The following SALL3 variants were observed in gnomAD, a reference collection of about 807,000 sequenced individuals.
The protein encoded by SALL3 is spalt like transcription factor 3, also known as sal-like protein 3.
A neutral mutation model predicts 66.2 loss-of-function variants in SALL3; 25 were observed. The ratio of observed to expected loss-of-function variants is 0.38; its 90% confidence interval spans 0.28 to 0.53. The LOEUF (loss-of-function observed/expected upper bound fraction) is 0.53, where lower values mean the gene tolerates loss of function less well. Ranked by LOEUF, SALL3 falls within the 20% of genes least tolerant of loss-of-function variation. The pLI, the probability that SALL3 is intolerant of heterozygous loss-of-function variation, is 0.85. For missense variants in SALL3, 2,194 were observed against 1,916.5 expected, an observed-to-expected ratio of 1.14 and a Z score of -2.70; for synonymous variants, 1,152 against 899.1, an observed-to-expected ratio of 1.28 and a Z score of -5.03.
rs1449581834 is a variant in SALL3, at chr18:78,995,195, C to T, written c.3204C>T (p.His1068=). 1.6e-5 allele frequency: 25 copies of T among 1,610,994 alleles called. No individual in the cohort carries two copies. The highest frequency in any genetic ancestry group is 2.1e-5 in the Non-Finnish European group (25 of 1,180,000). Residue 1068 remains histidine (H), a synonymous_variant, in exon 2 of 3, where the codon CAC becomes CAT. Transcript: ENST00000537592. ...TGATCAAAATGGAAGTGAACGGTCA[C>T]GGCAAGGCCATGGCGCTGGGCGAGG... ...PTMIKMEVNG[H]GKAMALGEGP... is the part of the protein sequence containing the mutation.
chr18:78,982,968 C>G (rs1172716512), intron 1 of SALL3, among the ~76,000 whole-genome samples: 1 of 152,078 alleles, frequency 6.6e-6, no homozygotes, highest in Non-Finnish European at 1.5e-5. Context: ...GCCTGTATCT[C>G]TTAAAAAAGA....
At chr18:78,995,898 C>G (rs1191690538) in intron 2 of SALL3, among the ~76,000 whole-genome samples, 6 of 152,168 alleles carry the variant, frequency 3.9e-5, no homozygotes, top group Admixed American at 1.3e-4. Flanking sequence ...CCGGGGAACA[C>G]GTGCAGCTGG....
At position 78,998,014 on chromosome 18, in the gene SALL3, C is replaced by T. The variant is rs1914757790; in HGVS notation, c.*692C>T. 1 of 63,464 alleles carries T rather than the reference C, an allele frequency of 1.6e-5. No individual in the cohort carries two copies. The highest frequency in any genetic ancestry group is 4.3e-5 in the African/African-American group (1 of 23,498). The allele number at this position is 63,464 out of a possible 1,614,324, so 3.9% of individuals were successfully genotyped here. ...TGTGCAAGTACCTGTCAGTAATAAG[C>T]CTTTTTTTTTTTTTTTTTTAATTTA... is the stretch of plus-strand genomic sequence containing the variant. On this transcript the variant is annotated 3_prime_UTR_variant, in exon 3 of 3. Transcript: ENST00000537592.
chr18:78,995,245 A>G lies in SALL3; in HGVS notation c.3254A>G (p.Gln1085Arg), dbSNP rs1212315113. Residue 1085 changes from glutamine (Q) to arginine (R), a missense_variant, in exon 2 of 3, where the codon CAG becomes CGG. Physicochemically the swap from Gln to Arg is conservative, Grantham distance 43. Transcript: ENST00000537592. ...GGTCCCCCGCTGCCCGCGGGCGTCC[A>G]GGTCCCCGCCGGGCCTCAGACAGTG... ...GEGPPLPAGV[Q>R]VPAGPQTVMG... 2 of 1,600,980 alleles carry G rather than the reference A, an allele frequency of 1.2e-6. No individual in the cohort carries two copies. Among genetic ancestry groups the G allele is most frequent in the Non-Finnish European group, 1.7e-6 (2 of 1,178,276 alleles).
Position 78,993,185 on chromosome 18 carries a change from G to C in SALL3, c.1194G>C (p.Lys398Asn), listed in dbSNP as rs1384760527. 1 of 1,610,476 alleles carries C rather than the reference G, an allele frequency of 6.2e-7. No individual in the cohort carries two copies. The highest frequency in any genetic ancestry group is 1.3e-5 in the African/African-American group (1 of 74,900). The part of the protein sequence containing the change: ...DPLSALMKHR[K>N]GKPPNVSVFE... The stretch of plus-strand genomic sequence containing the variant: ...TGTCCGCGCTCATGAAGCACCGCAA[G>C]GGCAAGCCGCCCAATGTGTCGGTGT... The change falls in exon 2 of 3, where the codon AAG becomes AAC. Residue 398 changes from lysine (K) to asparagine (N), a missense_variant. Lys to Asn is a moderately conservative substitution (Grantham distance 94). Transcript: ENST00000537592.
chr18:78,981,277 C>T (rs1198636257), intron 1 of SALL3, among the ~76,000 whole-genome samples: 3 of 152,186 alleles, frequency 2.0e-5, no homozygotes, highest in Non-Finnish European at 2.9e-5. Flanking sequence ...GCCCGGGCTT[C>T]GGCGCGCCCC....
chr18:78,990,855 C>T (rs1470357283), intron 1 of SALL3, among the ~76,000 whole-genome samples: 2 of 152,098 alleles, frequency 1.3e-5, no homozygotes, highest in Non-Finnish European at 1.5e-5. Context: ...TTACTTTTCA[C>T]CCCAACCACC....
In SALL3 at chr18:78,993,561, A is replaced by G. The variant is rs1234941373; in HGVS notation, c.1570A>G (p.Thr524Ala). ...DSKPVLPTVP[T>A]SVGLQLPPTV... ...CAAGCCCGTGCTGCCCACCGTGCCC[A>G]CGTCCGTGGGGCTGCAACTGCCGCC... The change falls in exon 2 of 3, where the codon ACG (threonine) becomes GCG (alanine). Residue 524 changes from threonine to alanine, a missense_variant. Physicochemically the swap from Thr to Ala is moderately conservative, Grantham distance 58. Coordinates refer to ENST00000537592, the MANE Select transcript of SALL3 (RefSeq NM_171999.4). 2.5e-6 allele frequency: 4 copies of G among 1,588,446 alleles called. No individual in the cohort carries two copies. The African/African-American group carries it at 5.5e-5, about 22-fold the overall frequency.
At chr18:78,980,524 C>T (rs939076392) in intron 1 of SALL3, among the ~76,000 whole-genome samples, 168 bp downstream of exon 1, 2 of 151,612 alleles carry the variant, frequency 1.3e-5, no homozygotes, top group Non-Finnish European at 2.9e-5. Context: ...GCCCCGGGTA[C>T]TTCGCCGGAG....
intron 1 of SALL3, among the ~76,000 whole-genome samples, 162 bp downstream of exon 1, chr18:78,980,518 C>T (rs538659404): frequency 6.6e-6 from 1 of 151,752 alleles, no homozygotes; most frequent in Admixed American, 6.6e-5. Flanking sequence ...CGCGGGGCCC[C>T]GGGTACTTCG....
At chr18:78,996,586 C>G (rs544067564) in intron 2 of SALL3, among the ~76,000 whole-genome samples, 1 of 152,344 alleles carries the variant, frequency 6.6e-6, no homozygotes, top group South Asian at 2.1e-4. Context: ...CCGGACCCTT[C>G]GAGCTCCAGA....
intron 1 of SALL3, among the ~76,000 whole-genome samples, chr18:78,986,384 A>T (rs150060939): frequency 6.6e-6 from 1 of 152,276 alleles, no homozygotes; most frequent in African/African-American, 2.4e-5. Flanking sequence ...CGCTGTGCGT[A>T]CACACTCTGA....
At chr18:78,989,964 G>T (rs1184741281) in intron 1 of SALL3, among the ~76,000 whole-genome samples, 1 of 152,152 alleles carries the variant, frequency 6.6e-6, no homozygotes, top group Non-Finnish European at 1.5e-5. Flanking sequence ...AAATTTAAAA[G>T]TAGAAATTCT....
At chr18:78,991,931 CAT>C (rs1914446382) in intron 1 of SALL3, 141 bp from the exon 2 acceptor site, 2 of 588,686 alleles carry the variant, frequency 3.4e-6, no homozygotes, top group South Asian at 3.2e-5. Flanking sequence ...TAGAAAGAGT[CAT>C]AGAATACGCA....
At position 78,998,106 on chromosome 18, in the gene SALL3, G is replaced by A. The variant is rs911123854; in HGVS notation, c.*784G>A. ...GTCTGTAGCCCAATAACTGGGGAAC[G>A]AGTTACAGACAAACATCACCGTAAA... On this transcript the variant is annotated 3_prime_UTR_variant, in exon 3 of 3. Transcript: ENST00000537592. 27 of 151,744 alleles carry A rather than the reference G, an allele frequency of 1.8e-4. No homozygotes were observed. Among genetic ancestry groups the A allele is most frequent in the African/African-American group, 5.8e-4 (24 of 41,056 alleles). 9.4% of individuals were successfully genotyped at this position (151,744 alleles called of 1,614,324 possible).
chr18:78,987,719 G>A (rs1914294109), intron 1 of SALL3, among the ~76,000 whole-genome samples: 1 of 152,212 alleles, frequency 6.6e-6, no homozygotes, highest in Non-Finnish European at 1.5e-5. Flanking sequence ...TCACATAGAA[G>A]CAAATGGGTT....
In SALL3 at chr18:78,980,292, G is replaced by A; in HGVS notation, c.18G>A (p.Gln6=). 7.1e-7 allele frequency: 1 copy of A among 1,416,074 alleles called. No homozygotes were observed. Among genetic ancestry groups the A allele is most frequent in the South Asian group, 1.3e-5 (1 of 74,088 alleles). 87.7% of individuals were successfully genotyped at this position (1,416,074 alleles called of 1,614,324 possible). Residue 6 remains glutamine, a synonymous_variant, in exon 1 of 3, where the codon CAG becomes CAA. Transcript: ENST00000537592. ...CTAGCAGCATGTCTCGGCGCAAGCA[G>A]GCCAAGCCCCAGCACCTCAAGTCGG... is the stretch of plus-strand genomic sequence containing the variant. MSRRK[Q]AKPQHLKSDE... is the part of the protein sequence containing the mutation.
Position 78,996,904 on chromosome 18 carries a change from C to G in SALL3, c.3485C>G (p.Thr1162Arg), listed in dbSNP as rs1347774907. The change falls in exon 3 of 3, where the codon ACA becomes AGA. Residue 1162 changes from threonine to arginine, a missense_variant. Coordinates refer to ENST00000537592, the MANE Select transcript of SALL3 (RefSeq NM_171999.4). Reference sequence around the variant, plus strand: ...TGTCTCGCGCAGGTGCACATGGGGACACACATGTGGAATAACGCCCCCGCG... The same window carrying G: ...TGTCTCGCGCAGGTGCACATGGGGAGACACATGTGGAATAACGCCCCCGCG... Reference protein sequence around the residue: ...TKGNLKVHMGTHMWNNAPARR... With the variant: ...TKGNLKVHMGRHMWNNAPARR... The G allele has an allele frequency of 6.2e-7, 1 of 1,609,734 alleles. No individual in the cohort carries two copies. Among genetic ancestry groups the G allele is most frequent in the African/African-American group, 1.3e-5 (1 of 74,848 alleles).
At position 78,998,915 on chromosome 18, in the gene SALL3, C is replaced by T. The variant is rs748293449; in HGVS notation, c.*1593C>T. ...ACGGCGTCGTGAACTACCTCATTTT[C>T]GTGCGTTGCAAGTGTGCTGGCGTCT... is the stretch of plus-strand genomic sequence containing the variant. On this transcript the variant is annotated 3_prime_UTR_variant, in exon 3 of 3. Coordinates refer to ENST00000537592, the MANE Select transcript of SALL3 (RefSeq NM_171999.4). The T allele has an allele frequency of 6.6e-5, 10 of 152,192 alleles. No homozygotes were observed. The highest frequency in any genetic ancestry group is 1.2e-4 in the African/African-American group (5 of 41,444). The allele number at this position is 152,192 out of a possible 1,614,324, so 9.4% of individuals were successfully genotyped here.
Sources: allele counts gnomAD v4.1 joint callset (sites outside exome capture counted in the v4.1 genomes callset), GRCh38; gene constraint gnomAD v4.1.1; transcripts MANE v1.5; gene names NCBI Gene and HGNC (gene_info 2026-07-23, HGNC 2026-07-21).